THTPA: variants seen among roughly 807,000 people sequenced by gnomAD.
THTPA encodes the protein thiamine triphosphatase.
A neutral mutation model predicts 16.5 loss-of-function variants in THTPA; 16 were observed. The observed-to-expected ratio is 0.97, with a 90% CI of 0.66 to 1.47. THTPA has a LOEUF of 1.47. THTPA is among the 40% of genes most tolerant of loss of function. The pLI is 0.00. For synonymous variants in THTPA, 110 were observed against 115.5 expected (o/e 0.95, Z 0.30); for missense variants, 281 against 280.9 (o/e 1.00, Z 0.00).
the THTPA span, chr14:23,521,612 A>G: frequency 4.4e-6 from 1 of 228,852 alleles, no homozygotes; most frequent in Non-Finnish European, 8.5e-6. Context: ...CTGGGAATTC[A>G]GTGAGGAAAA....
chr14:23,520,678 C>T, the THTPA span, among the ~76,000 whole-genome samples: 894 of 151,974 alleles, frequency 5.9e-3, 5 homozygotes, highest in Non-Finnish European at 6.8e-3. This position sits in a 1 kb window ranked among gnomAD's most constrained non-coding sequence, Gnocchi z 8.7. Flanking sequence ...TTGGAGGCTG[C>T]GCATAGCAGG....
chr14:23,546,154 T>C, the THTPA span, among the ~76,000 whole-genome samples: 1 of 152,220 alleles, frequency 6.6e-6, no homozygotes, highest in Admixed American at 6.5e-5. The surrounding 1 kb of genome is among the most constrained non-coding windows in gnomAD (Gnocchi z 4.7). Context: ...AGACTCTCCA[T>C]GCATAAACTG....
the THTPA span, chr14:23,532,337 C>G: frequency 2.0e-6 from 1 of 492,664 alleles, no homozygotes; most frequent in African/African-American, 2.0e-5. Flanking sequence ...GGCCAAACAC[C>G]AGAAGAGCTG....
At chr14:23,546,698 G>A in the THTPA span, among the ~76,000 whole-genome samples, 132 of 152,290 alleles carry the variant, frequency 8.7e-4, 1 homozygote, top group Middle Eastern at 0.024. This position sits in a 1 kb window ranked among gnomAD's most constrained non-coding sequence, Gnocchi z 4.7. Flanking sequence ...TGGGCTGACC[G>A]AGCTTAGTGT....
intron 1 of THTPA, 67 bp downstream of exon 1, chr14:23,557,371 G>C (rs1284724093): frequency 2.7e-6 from 4 of 1,455,096 alleles, no homozygotes; most frequent in Non-Finnish European, 3.6e-6. Flanking sequence ...GCACCTGCTG[G>C]ACCATGCAGT....
chr14:23,521,738 A>C, the THTPA span: 1 of 724,140 alleles, frequency 1.4e-6, no homozygotes, highest in Non-Finnish European at 2.1e-6. Flanking sequence ...ATCTGCAAGG[A>C]GCTGAGGAGG....
At chr14:23,530,267 G>T in the THTPA span, 1 of 1,139,968 alleles carries the variant, frequency 8.8e-7, no homozygotes, top group Non-Finnish European at 1.3e-6. Flanking sequence ...GACAGAGGAA[G>T]CAGGACAAGC....
chr14:23,523,836 A>C, the THTPA span: 1 of 1,536,190 alleles, frequency 6.5e-7, no homozygotes, highest in Non-Finnish European at 8.7e-7. The surrounding 1 kb of genome is among the most constrained non-coding windows in gnomAD (Gnocchi z 4.1). Context: ...GCTAGGCTGG[A>C]AGCAGATGAA....
chr14:23,536,930 G>C, the THTPA span, among the ~76,000 whole-genome samples: 1 of 151,976 alleles, frequency 6.6e-6, no homozygotes, highest in Non-Finnish European at 1.5e-5. Flanking sequence ...CTGAGGTCAG[G>C]AGTTTGAGAC....
chr14:23,537,972 ACCCT>A, the THTPA span: 1 of 152,722 alleles, frequency 6.5e-6, no homozygotes, highest in South Asian at 2.1e-4. Context: ...GCTACAGCTC[ACCCT>A]CCCTAAGCCT....
chr14:23,524,323 G>A, the THTPA span: 6 of 1,536,334 alleles, frequency 3.9e-6, no homozygotes, highest in Non-Finnish European at 5.2e-6. This position sits in a 1 kb window ranked among gnomAD's most constrained non-coding sequence, Gnocchi z 5.6. Flanking sequence ...TGTACCAACG[G>A]TACAGGATCT....
the THTPA span, chr14:23,530,108 G>T: frequency 2.0e-6 from 3 of 1,535,716 alleles, no homozygotes; most frequent in Non-Finnish European, 1.7e-6. Flanking sequence ...GGGGAAGGGA[G>T]GGAAAACTCA....
In THTPA at chr14:23,556,454, AAGG is replaced by A; in HGVS notation, c.-302_-300del. 2 of 342,226 alleles carry A rather than the reference AAGG, an allele frequency of 5.8e-6. No individual in the cohort carries two copies. The highest frequency in any genetic ancestry group is 1.1e-5 in the Non-Finnish European group (2 of 187,042). 21.2% of individuals were successfully genotyped at this position (342,226 alleles called of 1,614,324 possible). A position where few individuals can be genotyped will look rare whatever the true frequency, so the allele number is the denominator to read the frequency against. On this transcript the variant is annotated 5_prime_UTR_variant, in exon 1 of 2. Coordinates refer to ENST00000288014, the MANE Select transcript of THTPA (RefSeq NM_024328.6). ...CAAGGTGTAGAGAGGGGGGCGTTGA[AAGG>A]ACACCCGCTACCCGGCCTGCTTTCT... is the stretch of plus-strand genomic sequence containing the variant.
the THTPA span, chr14:23,529,330 G>C: frequency 4.3e-6 from 1 of 233,316 alleles, no homozygotes; most frequent in African/African-American, 2.3e-5. Context: ...TAGGAACACC[G>C]GTGTCTTGTC....
the THTPA span, chr14:23,525,690 C>T: frequency 5.2e-6 from 8 of 1,529,648 alleles, no homozygotes; most frequent in Non-Finnish European, 7.0e-6. This position sits in a 1 kb window ranked among gnomAD's most constrained non-coding sequence, Gnocchi z 5.9. Context: ...TCATTACCCT[C>T]TTTGGCCATG....
At chr14:23,554,758 C>T (rs1882222685), upstream of THTPA, among the ~76,000 whole-genome samples, 1 of 152,010 alleles carries the variant, frequency 6.6e-6, no homozygotes, top group African/African-American at 2.4e-5. Flanking sequence ...TTTCCAGAAA[C>T]ATACTGGTGA....
chr14:23,542,928 G>T, the THTPA span: 2 of 152,112 alleles, frequency 1.3e-5, no homozygotes, highest in African/African-American at 4.8e-5. Flanking sequence ...TAGAGACAGG[G>T]TTTCACCATG....
chr14:23,541,003 T>G, the THTPA span, among the ~76,000 whole-genome samples: 1 of 151,944 alleles, frequency 6.6e-6, no homozygotes, highest in African/African-American at 2.4e-5. Flanking sequence ...CCTCCCAGGT[T>G]CAAGTGATTC....
intron 1 of THTPA, 105 bp from the exon 2 acceptor site, chr14:23,558,590 G>A (rs959253592): frequency 2.1e-6 from 3 of 1,451,396 alleles, no homozygotes; most frequent in Non-Finnish European, 2.8e-6. Flanking sequence ...GAACCCCAGT[G>A]TGGCTTTGGA....
Sources: gnomAD v4.1 joint callset for allele counts (sites outside exome capture counted in the v4.1 genomes callset) on GRCh38, gnomAD v4.1.1 for gene constraint, Gnocchi (gnomAD v3.1) non-coding constraint, MANE v1.5 for transcripts, NCBI Gene and HGNC (gene_info 2026-07-23, HGNC 2026-07-21) for gene names.